MMUT: variants seen among roughly 807,000 people sequenced by gnomAD.
MMUT encodes the protein methylmalonyl-CoA mutase, mitochondrial.
In MMUT, 79 loss-of-function variants were observed where a neutral mutation model predicts 79.9. The ratio of observed to expected loss-of-function variants is 0.99; its 90% CI spans 0.82 to 1.19. MMUT has a LOEUF of 1.19. Among genes scored for constraint, MMUT ranks in the 50% most tolerant of loss-of-function variants. The pLI, the probability that MMUT is intolerant of heterozygous loss-of-function variation, is 0.00. For missense variants in MMUT, 860 were observed against 917.2 expected, an observed-to-expected ratio of 0.94 and a Z score of 0.81; for synonymous variants, 273 against 295.7, an observed-to-expected ratio of 0.92 and a Z score of 0.79.
intron 12 of MMUT, among the ~76,000 whole-genome samples, chr6:49,433,221 G>A (rs1767032657): frequency 6.6e-6 from 1 of 152,110 alleles, no homozygotes; most frequent in African/African-American, 2.4e-5. Flanking sequence ...TCTCTAAATT[G>A]GAGATGTCAG....
At chr6:49,445,153 G>A (rs1162502225) in intron 8 of MMUT, among the ~76,000 whole-genome samples, 3 of 152,050 alleles carry the variant, frequency 2.0e-5, no homozygotes, top group East Asian at 1.9e-4. Context: ...AAAACTTAGA[G>A]AATATTTTAG....
At chr6:49,452,697 C>T (rs1032560510) in intron 5 of MMUT, among the ~76,000 whole-genome samples, 17 of 152,068 alleles carry the variant, frequency 1.1e-4, no homozygotes, top group Admixed American at 1.1e-3. Flanking sequence ...TATTATTCAA[C>T]ATTTAAATGT....
chr6:49,447,897 T>A, intron 7 of MMUT, 112 bp from the exon 8 acceptor site: 1 of 685,216 alleles, frequency 1.5e-6, no homozygotes, highest in East Asian at 2.8e-5. Flanking sequence ...TATTCTTAAT[T>A]CTTAATGCAA....
rs1766964369 is a variant in MMUT, at chr6:49,431,219, G to C, written c.*509C>G. ...ATACTTCTTTTATTAAGGTGATTCT[G>C]GTAGAATTTGGCTGAGGACTCCTCC... On this transcript the variant is annotated 3_prime_UTR_variant, in exon 13 of 13. Coordinates refer to ENST00000274813, the MANE Select transcript of MMUT (RefSeq NM_000255.4). 1 of 152,428 alleles carries C rather than the reference G, an allele frequency of 6.6e-6. No homozygotes were observed. The highest frequency in any genetic ancestry group is 6.5e-5 in the Admixed American group (1 of 15,284). 9.4% of individuals were successfully genotyped at this position (152,428 alleles called of 1,614,324 possible). A position where few individuals can be genotyped will look rare whatever the true frequency, so the allele number is the denominator to read the frequency against.
At position 49,453,059 on chromosome 6, in the gene MMUT, T is replaced by TTTG. The variant is rs398048522; in HGVS notation, c.1083+525_1083+526insCAA. On this transcript the variant is annotated intron_variant, in intron 5 of 12. Coordinates refer to ENST00000274813, the MANE Select transcript of MMUT (RefSeq NM_000255.4). Reference sequence around the variant, plus strand: ...TCTTTGTTTTTTTTTTTTTTTTTTTTAGACGTAGTTGTGCTCTTGTTGCCC... The same window carrying TTTG: ...TCTTTGTTTTTTTTTTTTTTTTTTTTTTGAGACGTAGTTGTGCTCTTGTTGCCC... Among the ~76,000 whole-genome samples the TTTG allele has an allele frequency of 3.3e-3, 462 of 138,986 alleles. 11 individuals carry two copies. The highest frequency in any genetic ancestry group is 0.011 in the African/African-American group (418 of 37,800). The allele number at this position is 138,986 out of a possible 152,430, so 91.2% of individuals were successfully genotyped here.
chr6:49,441,118 G>T (rs1159742168), intron 10 of MMUT, among the ~76,000 whole-genome samples: 1 of 152,092 alleles, frequency 6.6e-6, no homozygotes, highest in Non-Finnish European at 1.5e-5. Context: ...TAGTGTACAA[G>T]TATGGAAATT....
chr6:49,438,342 AG>A (rs940749649), intron 11 of MMUT, among the ~76,000 whole-genome samples: 191 of 152,130 alleles, frequency 1.3e-3, no homozygotes, highest in African/African-American at 4.4e-3. Flanking sequence ...AGTTAAAAAA[AG>A]ACAACAAAAA....
intron 6 of MMUT, among the ~76,000 whole-genome samples, chr6:49,450,271 A>G (rs1234130096): frequency 6.6e-6 from 1 of 151,732 alleles, no homozygotes; most frequent in Non-Finnish European, 1.5e-5. Context: ...GCACATCAGG[A>G]TATTATTTAA....
intron 1 of MMUT, among the ~76,000 whole-genome samples, chr6:49,462,299 T>C (rs72855817): frequency 0.015 from 2,346 of 152,336 alleles, 24 homozygotes; most frequent in Non-Finnish European, 0.025. Context: ...GAGAAAAAGA[T>C]TTCTTGAACC....
intron 8 of MMUT, among the ~76,000 whole-genome samples, chr6:49,445,846 A>G (rs552163512): frequency 6.6e-6 from 1 of 152,178 alleles, no homozygotes; most frequent in East Asian, 1.9e-4. Flanking sequence ...ACTCAACTCC[A>G]AATTCTCCAT....
In MMUT at chr6:49,443,075, A is replaced by T. The variant is rs575612294; in HGVS notation, c.1677-1104T>A. Reference sequence around the variant, plus strand: ...GAAATAAACACTTAAAAGCAAAAGTAATCATTTAATGATACTGCCATATAT... The same window carrying T: ...GAAATAAACACTTAAAAGCAAAAGTTATCATTTAATGATACTGCCATATAT... On this transcript the variant is annotated intron_variant, in intron 9 of 12. Transcript: ENST00000274813. Among the ~76,000 whole-genome samples the T allele has an allele frequency of 4.6e-5, 7 of 152,280 alleles. No homozygotes were observed. The East Asian group carries it at 1.3e-3, about 29-fold the overall frequency.
chr6:49,458,110 A>T, intron 2 of MMUT, 52 bp from the exon 3 acceptor site: 1 of 1,562,760 alleles, frequency 6.4e-7, no homozygotes, highest in Non-Finnish European at 8.7e-7. Context: ...GAATCAAGGT[A>T]AAATGATTTA....
chr6:49,438,951 A>T (rs1767202126), intron 11 of MMUT, among the ~76,000 whole-genome samples: 1 of 152,050 alleles, frequency 6.6e-6, no homozygotes, highest in African/African-American at 2.4e-5. Flanking sequence ...CCTGCAGAAG[A>T]CCTATTGTGG....
chr6:49,437,422 A>C (rs1767160793), intron 11 of MMUT, among the ~76,000 whole-genome samples: 1 of 152,160 alleles, frequency 6.6e-6, no homozygotes, highest in African/African-American at 2.4e-5. Flanking sequence ...AATAGATGGA[A>C]ATAACCTAAA....
At chr6:49,431,985 G>T in intron 12 of MMUT, 129 bp from the exon 13 acceptor site, 1 of 1,061,800 alleles carries the variant, frequency 9.4e-7, no homozygotes, top group South Asian at 1.4e-5. Context: ...TGGCATTTGG[G>T]GCTAAAAAAT....
chr6:49,462,504 C>T (rs143370636), intron 1 of MMUT, among the ~76,000 whole-genome samples: 91 of 152,330 alleles, frequency 6.0e-4, no homozygotes, highest in African/African-American at 2.1e-3. Context: ...ACTTTACACA[C>T]ATACGTTATC....
At chr6:49,458,973 A>C in intron 2 of MMUT, 109 bp downstream of exon 2, 1 of 1,147,436 alleles carries the variant, frequency 8.7e-7, no homozygotes, top group Non-Finnish European at 1.2e-6. Context: ...GTCTTTAACT[A>C]CAAAATTATA....
intron 12 of MMUT, among the ~76,000 whole-genome samples, chr6:49,435,004 T>G (rs182731671): frequency 7.2e-5 from 11 of 152,306 alleles, no homozygotes; most frequent in South Asian, 6.2e-4. Flanking sequence ...TAGCTCCTTC[T>G]AAATAGAAGC....
intron 8 of MMUT, among the ~76,000 whole-genome samples, chr6:49,445,986 G>C (rs1767402455): frequency 6.6e-6 from 1 of 151,980 alleles, no homozygotes; most frequent in Admixed American, 6.6e-5. Context: ...TGCTATTGTA[G>C]ATATTGGATC....
Sources: gnomAD v4.1 joint callset for allele counts (sites outside exome capture counted in the v4.1 genomes callset) on GRCh38, gnomAD v4.1.1 for gene constraint, MANE v1.5 for transcripts, NCBI Gene and HGNC (gene_info 2026-07-23, HGNC 2026-07-21) for gene names.